PARVB: variants seen among roughly 807,000 people sequenced by gnomAD.
The protein encoded by PARVB is beta-parvin.
PARVB carries 46 observed loss-of-function variants against 47.0 expected under a neutral mutation model. The observed-to-expected ratio is 0.98, with a 90% CI of 0.77 to 1.25. PARVB has a LOEUF of 1.25. PARVB is among the 50% of genes most tolerant of loss of function. The probability of loss-of-function intolerance (pLI) is 0.00; values close to 1 mark genes in which losing one functional copy is unlikely to be tolerated. For missense variants in PARVB, 473 were observed against 471.6 expected (o/e 1.00, Z -0.03); for synonymous variants, 196 against 196.3 (o/e 1.00, Z 0.01).
intron 1 of PARVB, among the ~76,000 whole-genome samples, chr22:44,025,090 C>T (rs2050707436): frequency 6.6e-6 from 1 of 152,068 alleles, no homozygotes; most frequent in Non-Finnish European, 1.5e-5. Context: ...TGCCCAGGGC[C>T]TCCTGGGAGA....
chr22:44,164,408 GT>G (rs2054120146), intron 12 of PARVB, among the ~76,000 whole-genome samples: 1 of 43,286 alleles, frequency 2.3e-5, no homozygotes, highest in Non-Finnish European at 4.0e-5. Context: ...TTGCTTCCCT[GT>G]CCCCCCCCCG....
At chr22:44,087,181 T>C (rs1264058935) in intron 1 of PARVB, among the ~76,000 whole-genome samples, 1 of 152,222 alleles carries the variant, frequency 6.6e-6, no homozygotes, top group Non-Finnish European at 1.5e-5. Context: ...GCTGTTTTTG[T>C]TGGGGTTTTC....
At chr22:43,999,281 T>G (rs763429344) in exon 1 of PARVB, 3 of 1,343,660 alleles carry the variant, frequency 2.2e-6, no homozygotes, top group African/African-American at 1.5e-5. Flanking sequence ...TTTTAATTTC[T>G]GAATTCTCCC....
At chr22:44,109,352 T>TA (rs2147092460) in intron 3 of PARVB, 1 of 152,344 alleles carries the variant, frequency 6.6e-6, no homozygotes, top group South Asian at 2.1e-4. Flanking sequence ...TTAAAAAAAT[T>TA]CTGGTTAAAG....
At chr22:44,027,379 C>T (rs915737625) in intron 1 of PARVB, among the ~76,000 whole-genome samples, 6 of 152,140 alleles carry the variant, frequency 3.9e-5, no homozygotes, top group Admixed American at 2.0e-4. Flanking sequence ...CCGGCCCTGG[C>T]CAGTGTGGAA....
chr22:44,084,553 G>A (rs1367796126), intron 1 of PARVB, among the ~76,000 whole-genome samples: 2 of 152,208 alleles, frequency 1.3e-5, no homozygotes, highest in African/African-American at 4.8e-5. Context: ...CCTGCCAAGG[G>A]TACTCCCAGG....
At chr22:44,102,264 G>A (rs2052466589) in intron 3 of PARVB, among the ~76,000 whole-genome samples, 2 of 152,156 alleles carry the variant, frequency 1.3e-5, no homozygotes, top group African/African-American at 4.8e-5. Context: ...CCGCTTTGGG[G>A]AGGGCTGTCT....
At chr22:44,044,379 A>T (rs2051076885) in intron 1 of PARVB, among the ~76,000 whole-genome samples, 1 of 151,784 alleles carries the variant, frequency 6.6e-6, no homozygotes, top group African/African-American at 2.4e-5. Context: ...TTTAGTAGAG[A>T]CAGGGTTTCA....
intron 5 of PARVB, 117 bp from the exon 6 acceptor site, chr22:44,132,777 C>T: frequency 1.5e-6 from 1 of 650,862 alleles, no homozygotes; most frequent in Non-Finnish European, 2.8e-6. Flanking sequence ...CACTTCGCTC[C>T]ATCCTTGTCT....
At chr22:44,164,409 T>TCCGC (rs1555913761) in intron 12 of PARVB, among the ~76,000 whole-genome samples, 1 of 142,220 alleles carries the variant, frequency 7.0e-6, no homozygotes, top group Non-Finnish European at 1.5e-5. Flanking sequence ...TGCTTCCCTG[T>TCCGC]CCCCCCCCCG....
At chr22:44,002,964 G>A (rs1035247416) in intron 2 of PARVB, among the ~76,000 whole-genome samples, 20 of 152,148 alleles carry the variant, frequency 1.3e-4, no homozygotes, top group African/African-American at 4.8e-4. Flanking sequence ...CATGCAAAAG[G>A]AGATTCAGCA....
Position 44,029,699 on chromosome 22 carries a change from C to G in PARVB, c.112+5248C>G, listed in dbSNP as rs1436316708. Among the ~76,000 whole-genome samples, 3 of 152,176 alleles carry G rather than the reference C, an allele frequency of 2.0e-5. 1 individual carries two copies. The highest frequency in any genetic ancestry group is 7.2e-5 in the African/African-American group (3 of 41,452). ...GCTGAAGCGGCAGATCACCTGAGGT[C>G]AGGAGTTTGAGACCAGCCTGGCCAA... On this transcript the variant is annotated intron_variant, in intron 1 of 12. Transcript: ENST00000338758.
At chr22:44,161,066 C>T (rs2054040880) in intron 11 of PARVB, among the ~76,000 whole-genome samples, 1 of 152,178 alleles carries the variant, frequency 6.6e-6, no homozygotes, top group African/African-American at 2.4e-5. Context: ...TCGCTATTCC[C>T]TCTCTTTGCT....
chr22:44,021,756 GACTCACACACAC>G (rs1473737734), upstream of PARVB, among the ~76,000 whole-genome samples: 4,515 of 105,066 alleles, frequency 0.043, 142 homozygotes, highest in South Asian at 0.11. Flanking sequence ...GTAAAGTCTA[GACTCACACACAC>G]ACACACACAC....
intron 1 of PARVB, among the ~76,000 whole-genome samples, chr22:44,092,137 A>C (rs1021154706): frequency 3.9e-5 from 6 of 151,906 alleles, no homozygotes; most frequent in African/African-American, 1.2e-4. Context: ...TTTGAGATGG[A>C]GTCTCGCTCT....
rs549471743 is a variant in PARVB, at chr22:44,077,363, C to T, written c.113-16565C>T. 2.8e-4 allele frequency among the ~76,000 whole-genome samples: 43 copies of T among 152,290 alleles called. 1 individual carries two copies. The South Asian group carries it at 3.7e-3, about 13-fold the overall frequency. ...CTGTCCTCTCCTCTTCTTGTAAGGACGCCTGTCATTGGATTAGGGCCCACC... is the reference window on the plus strand; with the variant it reads ...CTGTCCTCTCCTCTTCTTGTAAGGATGCCTGTCATTGGATTAGGGCCCACC... On this transcript the variant is annotated intron_variant, in intron 1 of 12. Transcript: ENST00000338758.
intron 2 of PARVB, among the ~76,000 whole-genome samples, chr22:44,004,648 G>A (rs1000892878): frequency 1.3e-5 from 2 of 152,132 alleles, no homozygotes; most frequent in African/African-American, 2.4e-5. Context: ...CTTGCTTCCC[G>A]CCTCACGTAG....
At chr22:44,058,633 C>G (rs1216892114) in intron 1 of PARVB, among the ~76,000 whole-genome samples, 1 of 146,418 alleles carries the variant, frequency 6.8e-6, no homozygotes, top group Non-Finnish European at 1.5e-5. Flanking sequence ...TGGCTCCCTG[C>G]AACCTCCTCC....
upstream of PARVB, among the ~76,000 whole-genome samples, chr22:44,021,767 A>T (rs1034159856): frequency 9.5e-5 from 5 of 52,840 alleles, no homozygotes; most frequent in African/African-American, 1.8e-4. Flanking sequence ...ACTCACACAC[A>T]CACACACACA....
Sources: allele counts gnomAD v4.1 joint callset (sites outside exome capture counted in the v4.1 genomes callset), GRCh38; gene constraint gnomAD v4.1.1; transcripts MANE v1.5; gene names NCBI Gene and HGNC (gene_info 2026-07-23, HGNC 2026-07-21).